Variants in PICALM observed in about 807,000 individuals in gnomAD.
PICALM encodes the protein phosphatidylinositol-binding clathrin assembly protein.
A neutral mutation model predicts 80.5 loss-of-function variants in PICALM; 40 were observed. That is an observed-to-expected ratio of 0.50 (90% confidence interval 0.39 to 0.65). The LOEUF (loss-of-function observed/expected upper bound fraction) is 0.65, where lower values mean the gene tolerates loss of function less well. Ranked by LOEUF, PICALM falls within the 30% of genes least tolerant of loss-of-function variation. PICALM has a pLI of 0.00. For synonymous variants in PICALM, 288 were observed against 260.3 expected (o/e 1.11, Z -1.02); for missense variants, 676 against 778.9 (o/e 0.87, Z 1.57).
chr11:85,990,939 A>T (rs1565316431), intron 12 of PICALM, among the ~76,000 whole-genome samples: 1 of 152,242 alleles, frequency 6.6e-6, no homozygotes, highest in Non-Finnish European at 1.5e-5. Flanking sequence ...AAAGAATTTT[A>T]GATAATTAAG....
intron 11 of PICALM, 91 bp from the exon 12 acceptor site, chr11:85,997,020 T>C: frequency 1.5e-6 from 1 of 663,426 alleles, no homozygotes; most frequent in Non-Finnish European, 2.6e-6. Context: ...ATAAAAACAT[T>C]AAAAACAAGG....
intron 13 of PICALM, 33 bp downstream of exon 13, chr11:85,990,217 T>A (rs372653343): frequency 7.2e-7 from 1 of 1,386,988 alleles, no homozygotes; most frequent in African/African-American, 1.4e-5. Flanking sequence ...AGTATAAACA[T>A]TGATTGGAAA....
chr11:86,015,040 C>G (rs948999445), intron 4 of PICALM, 77 bp from the exon 5 acceptor site: 2 of 827,050 alleles, frequency 2.4e-6, no homozygotes, highest in Admixed American at 6.1e-5. Flanking sequence ...CCCTGGTTTT[C>G]TACTAAAACA....
chr11:86,021,338 T>C (rs767102739), intron 4 of PICALM, among the ~76,000 whole-genome samples: 2 of 151,240 alleles, frequency 1.3e-5, no homozygotes, highest in Non-Finnish European at 2.9e-5. Flanking sequence ...AAATAAAAAA[T>C]AAAAACAGGG....
rs1256168529 is a variant in PICALM, at chr11:85,990,244, C to T, written c.1408+6G>A. 6.4e-7 allele frequency: 1 copy of T among 1,568,088 alleles called. No homozygotes were observed. Among genetic ancestry groups the T allele is most frequent in the East Asian group, 2.3e-5 (1 of 44,194 alleles). On this transcript the variant is annotated splice_donor_region_variant and intron_variant, in intron 13 of 19. Transcript: ENST00000393346. ...GATTGGAAAAAAAGGTTAAATGGTA[C>T]TTTACCAACAAACATTTCATGAGTA...
At chr11:86,030,915 G>A (rs1360556455) in intron 2 of PICALM, among the ~76,000 whole-genome samples, 2 of 152,156 alleles carry the variant, frequency 1.3e-5, no homozygotes, top group Admixed American at 1.3e-4. Flanking sequence ...AGAAGTTCAA[G>A]ACCAGCCTAA....
At chr11:86,029,206 T>A (rs2095706276) in intron 2 of PICALM, among the ~76,000 whole-genome samples, 1 of 151,826 alleles carries the variant, frequency 6.6e-6, no homozygotes, top group African/African-American at 2.4e-5. Context: ...ACCAGCAGCA[T>A]CCCCTTCAGT....
At chr11:85,997,631 C>T (rs538420058) in intron 11 of PICALM, among the ~76,000 whole-genome samples, 5 of 152,176 alleles carry the variant, frequency 3.3e-5, no homozygotes, top group African/African-American at 9.6e-5. Context: ...GCACCGCATC[C>T]GGCTAATTTT....
At chr11:85,992,166 A>G (rs1007188038) in intron 12 of PICALM, among the ~76,000 whole-genome samples, 38 of 151,834 alleles carry the variant, frequency 2.5e-4, no homozygotes, top group Non-Finnish European at 5.2e-4. Flanking sequence ...TACTAAAAAT[A>G]TATATATATT....
chr11:86,016,410 T>G (rs536455549), intron 4 of PICALM, among the ~76,000 whole-genome samples: 1 of 152,228 alleles, frequency 6.6e-6, no homozygotes, highest in African/African-American at 2.4e-5. Context: ...TAAAAACTAT[T>G]TGACCTCATC....
chr11:85,996,530 G>A (rs1186012995), intron 12 of PICALM, among the ~76,000 whole-genome samples: 1 of 151,606 alleles, frequency 6.6e-6, no homozygotes, highest in African/African-American at 2.4e-5. Flanking sequence ...TCTGGTTATG[G>A]AATAAAAATT....
intron 8 of PICALM, chr11:86,007,309 G>A: frequency 3.7e-6 from 1 of 267,978 alleles, no homozygotes; most frequent in Non-Finnish European, 7.2e-6. Flanking sequence ...AAGAGTGATT[G>A]AAGAGATTAA....
chr11:86,062,374 T>C (rs1477983717), intron 1 of PICALM, among the ~76,000 whole-genome samples: 1 of 151,938 alleles, frequency 6.6e-6, no homozygotes, highest in Non-Finnish European at 1.5e-5. Flanking sequence ...AAAATTTAGC[T>C]GGGCGTGGTG....
chr11:86,005,378 T>C (rs899715763), intron 8 of PICALM, among the ~76,000 whole-genome samples: 1 of 152,154 alleles, frequency 6.6e-6, no homozygotes, highest in Non-Finnish European at 1.5e-5. Context: ...TATATCTGGC[T>C]ATTTTTCAAA....
chr11:85,993,840 A>G (rs2094874360), intron 12 of PICALM, among the ~76,000 whole-genome samples: 1 of 152,188 alleles, frequency 6.6e-6, no homozygotes, highest in African/African-American at 2.4e-5. Flanking sequence ...ATCGCCTTTA[A>G]GTCCTAAACA....
rs567791080 is a variant in PICALM at position 86,048,397 on chromosome 11, G to A, written c.131-16786C>T. Among the ~76,000 whole-genome samples the A allele has an allele frequency of 7.9e-5, 12 of 152,162 alleles. No homozygotes were observed. In the East Asian group the frequency reaches 1.7e-3, roughly 22 times the overall value. On this transcript the variant is annotated intron_variant, in intron 1 of 19. Coordinates refer to ENST00000393346, the MANE Select transcript of PICALM (RefSeq NM_007166.4). ...TCAAAACAGTATTTTGCAAGAATACGATGAACAAAAATAAATGAGGGTTTA... is the reference window on the plus strand; with the variant it reads ...TCAAAACAGTATTTTGCAAGAATACAATGAACAAAAATAAATGAGGGTTTA...
intron 17 of PICALM, among the ~76,000 whole-genome samples, chr11:85,977,715 G>C (rs1212100343): frequency 6.6e-6 from 1 of 152,206 alleles, no homozygotes; most frequent in African/African-American, 2.4e-5. Context: ...AAGAAGAGCA[G>C]AAGCCTGTAA....
At chr11:86,009,591 C>T (rs2095355539) in intron 7 of PICALM, among the ~76,000 whole-genome samples, 1 of 152,158 alleles carries the variant, frequency 6.6e-6, no homozygotes, top group Non-Finnish European at 1.5e-5. Flanking sequence ...ACTCGGGAGG[C>T]TGAGACAGCA....
At chr11:86,058,264 C>T (rs1292449225) in intron 1 of PICALM, among the ~76,000 whole-genome samples, 3 of 152,146 alleles carry the variant, frequency 2.0e-5, no homozygotes, top group Non-Finnish European at 4.4e-5. Flanking sequence ...AAAGATGACC[C>T]TTGATCTCAG....
Sources: allele counts gnomAD v4.1 joint callset (sites outside exome capture counted in the v4.1 genomes callset), GRCh38; gene constraint gnomAD v4.1.1; transcripts MANE v1.5; gene names NCBI Gene and HGNC (gene_info 2026-07-23, HGNC 2026-07-21).